PLD5: variants seen among roughly 807,000 people sequenced by gnomAD.
PLD5 encodes the protein phospholipase D family member 5.
PLD5 carries 36 observed loss-of-function variants against 61.1 expected under a neutral mutation model. The ratio of observed to expected loss-of-function variants is 0.59; its 90% CI spans 0.45 to 0.78. The LOEUF is 0.78. Among genes scored for constraint, PLD5 ranks in the 30% least tolerant of loss-of-function variants. PLD5 has a pLI of 0.00. For missense variants in PLD5, 515 were observed against 644.4 expected (o/e 0.80, Z 2.17); for synonymous variants, 243 against 242.8 (o/e 1.00, Z -0.01).
chr1:242,232,335 C>A (rs1225016858), intron 4 of PLD5, among the ~76,000 whole-genome samples: 1 of 152,134 alleles, frequency 6.6e-6, no homozygotes, highest in Non-Finnish European at 1.5e-5. Flanking sequence ...ATTTGTATAT[C>A]TAGCAAATAC....
In PLD5 at chr1:242,107,843, C is replaced by T. The variant is rs1163250739; in HGVS notation, c.1071-4G>A. 5.1e-6 allele frequency: 8 copies of T among 1,579,548 alleles called. No individual in the cohort carries two copies. The South Asian group carries it at 9.4e-5, about 19-fold the overall frequency. On this transcript the variant is annotated splice_polypyrimidine_tract_variant and splice_region_variant and intron_variant, in intron 7 of 9. Transcript: ENST00000536534. ...ATCCAAGTCTGGCCAGTAAGTCCTGCAGAAATCATATCCAAATAGAAAAAA... is the reference window on the plus strand; with the variant it reads ...ATCCAAGTCTGGCCAGTAAGTCCTGTAGAAATCATATCCAAATAGAAAAAA...
At chr1:242,233,823 A>G (rs570715624) in intron 4 of PLD5, among the ~76,000 whole-genome samples, 6 of 152,052 alleles carry the variant, frequency 3.9e-5, no homozygotes, top group African/African-American at 1.4e-4. Flanking sequence ...CTCCTCCTAC[A>G]CTCTCTGTCT....
intron 2 of PLD5, among the ~76,000 whole-genome samples, chr1:242,291,485 C>G (rs1484036799): frequency 4.6e-5 from 7 of 151,980 alleles, no homozygotes; most frequent in African/African-American, 1.7e-4. Flanking sequence ...AAAATCTCAG[C>G]TGGGAGGTGG....
At chr1:242,274,525 C>A in intron 3 of PLD5, among the ~76,000 whole-genome samples, 1 of 152,176 alleles carries the variant, frequency 6.6e-6, no homozygotes, top group Non-Finnish European at 1.5e-5. Flanking sequence ...GAGGCCGAGG[C>A]GGGTGGATCA....
At chr1:242,157,510 T>G (rs1363577527) in intron 5 of PLD5, among the ~76,000 whole-genome samples, 1 of 152,218 alleles carries the variant, frequency 6.6e-6, no homozygotes, top group Non-Finnish European at 1.5e-5. Flanking sequence ...CTTTGGTCTT[T>G]GATGTTGGTG....
At chr1:242,277,714 G>A (rs1480251962) in intron 3 of PLD5, among the ~76,000 whole-genome samples, 1 of 150,546 alleles carries the variant, frequency 6.6e-6, no homozygotes, top group Admixed American at 6.7e-5. Flanking sequence ...TGGGCACAGT[G>A]GCTCACACCT....
chr1:242,479,369 T>C (rs1222173526), intron 1 of PLD5, among the ~76,000 whole-genome samples: 1 of 152,180 alleles, frequency 6.6e-6, no homozygotes, highest in African/African-American at 2.4e-5. Flanking sequence ...CAAAAATGAA[T>C]TGTATTTCCA....
At chr1:242,302,673 C>T (rs1480824442) in intron 2 of PLD5, among the ~76,000 whole-genome samples, 2 of 152,208 alleles carry the variant, frequency 1.3e-5, no homozygotes, top group Non-Finnish European at 2.9e-5. Flanking sequence ...GAACTATGAT[C>T]GTGCCACTGC....
chr1:242,353,652 A>T (rs565137852), intron 1 of PLD5, among the ~76,000 whole-genome samples: 1 of 151,990 alleles, frequency 6.6e-6, no homozygotes, highest in Non-Finnish European at 1.5e-5. Flanking sequence ...TCCTTTGCAT[A>T]TTTCTTAATC....
rs142240638 is a variant in PLD5 at position 242,195,931 on chromosome 1, C to T, written c.735+24057G>A. ...CAAAGATGATTGAAATCCAAGTGAC[C>T]GAGGTGAGGGGCTGAAGAGAAGAGG... On this transcript the variant is annotated intron_variant, in intron 5 of 9. Coordinates refer to ENST00000536534, the MANE Select transcript of PLD5 (RefSeq NM_001372062.1). Among the ~76,000 whole-genome samples, 17 of 152,062 alleles carry T rather than the reference C, an allele frequency of 1.1e-4. No homozygotes were observed. The Middle Eastern group carries it at 0.01, about 91-fold the overall frequency.
intron 2 of PLD5, among the ~76,000 whole-genome samples, chr1:242,320,986 C>G (rs1658359429): frequency 6.6e-6 from 1 of 152,208 alleles, no homozygotes; most frequent in South Asian, 2.1e-4. Flanking sequence ...TCTCAAAATT[C>G]CCTCTCATCG....
chr1:242,508,414 C>G (rs1668800003), intron 1 of PLD5, among the ~76,000 whole-genome samples: 1 of 152,006 alleles, frequency 6.6e-6, no homozygotes, highest in Admixed American at 6.5e-5. Context: ...ATGGAAATGA[C>G]CAACTATATC....
At chr1:242,124,329 A>C (rs1243041940) in intron 6 of PLD5, 139 bp downstream of exon 6, 2 of 733,768 alleles carry the variant, frequency 2.7e-6, no homozygotes, top group East Asian at 5.3e-5. Flanking sequence ...GGGTGGACGC[A>C]TTTTAACTCT....
At chr1:242,310,249 C>T (rs184371189) in intron 2 of PLD5, among the ~76,000 whole-genome samples, 202 of 152,246 alleles carry the variant, frequency 1.3e-3, no homozygotes, top group African/African-American at 4.6e-3. Flanking sequence ...AGTCTATCAT[C>T]TTGGGTCCTG....
At chr1:242,174,913 G>T (rs1667021807) in intron 5 of PLD5, among the ~76,000 whole-genome samples, 1 of 152,016 alleles carries the variant, frequency 6.6e-6, no homozygotes, top group South Asian at 2.1e-4. Context: ...GTGGGGGGAG[G>T]GATAGCATTA....
intron 1 of PLD5, among the ~76,000 whole-genome samples, chr1:242,415,661 C>T (rs113437247): frequency 0.041 from 6,184 of 151,928 alleles, 438 homozygotes; most frequent in African/African-American, 0.14. Context: ...TACAGGCACC[C>T]GCCACCACGC....
chr1:242,334,464 A>C (rs542379645), intron 2 of PLD5, among the ~76,000 whole-genome samples: 1 of 152,332 alleles, frequency 6.6e-6, no homozygotes, highest in Non-Finnish European at 1.5e-5. Context: ...TGTGTGCTAC[A>C]GGAAACGCCG....
In PLD5 at chr1:242,133,068, A is replaced by G. The variant is rs1173775635; in HGVS notation, c.736-8403T>C. On this transcript the variant is annotated intron_variant, in intron 5 of 9. Coordinates refer to ENST00000536534, the MANE Select transcript of PLD5 (RefSeq NM_001372062.1). ...CCCACACCCCACACCTTTTCTCTGC[A>G]TCACACAAGAGAAATGGAAAGTACC... Among the ~76,000 whole-genome samples the G allele has an allele frequency of 2.3e-5, 3 of 129,856 alleles. No individual in the cohort carries two copies. In the Admixed American group the frequency reaches 2.7e-4, roughly 12 times the overall value. 85.2% of individuals were successfully genotyped at this position (129,856 alleles called of 152,430 possible). A position where few individuals can be genotyped will look rare whatever the true frequency, so the allele number is the denominator to read the frequency against.
At chr1:242,426,532 A>G (rs922227408) in intron 1 of PLD5, among the ~76,000 whole-genome samples, 2 of 152,146 alleles carry the variant, frequency 1.3e-5, no homozygotes, top group African/African-American at 4.8e-5. Context: ...TTGCACCACC[A>G]CATTACAACT....
Sources: allele counts gnomAD v4.1 joint callset (sites outside exome capture counted in the v4.1 genomes callset), GRCh38; gene constraint gnomAD v4.1.1; transcripts MANE v1.5; gene names NCBI Gene and HGNC (gene_info 2026-07-23, HGNC 2026-07-21).